Variants in VIT observed in about 807,000 individuals in gnomAD.
VIT encodes vitrin.
Under a neutral mutation model 78.0 loss-of-function variants are expected in VIT, and 99 were observed. That is an observed-to-expected ratio of 1.27 (90% confidence interval 1.08 to 1.50). The LOEUF (loss-of-function observed/expected upper bound fraction) is 1.50, where lower values mean the gene tolerates loss of function less well. Among genes scored for constraint, VIT ranks in the 40% most tolerant of loss-of-function variants. VIT has a pLI of 0.00. For synonymous variants in VIT, 374 were observed against 334.3 expected, an observed-to-expected ratio of 1.12 and a Z score of -1.29; for missense variants, 1,126 against 875.3, an observed-to-expected ratio of 1.29 and a Z score of -3.61.
chr2:36,792,843 C>T (rs1000830119), intron 12 of VIT, among the ~76,000 whole-genome samples: 7 of 152,156 alleles, frequency 4.6e-5, no homozygotes, highest in African/African-American at 1.2e-4. Context: ...CTTTCATTTC[C>T]CTTCTCTAGA....
intron 1 of VIT, among the ~76,000 whole-genome samples, chr2:36,703,466 G>A (rs935243097): frequency 6.6e-6 from 1 of 151,424 alleles, no homozygotes; most frequent in Admixed American, 6.6e-5. Context: ...TAAGACCAAA[G>A]GATCATCTTA....
At chr2:36,749,076 A>G (rs1668305781) in intron 4 of VIT, among the ~76,000 whole-genome samples, 1 of 152,152 alleles carries the variant, frequency 6.6e-6, no homozygotes, top group African/African-American at 2.4e-5. Context: ...AGGACAACTG[A>G]CTTCTCTTTA....
At chr2:36,751,362 C>T (rs1668452066) in intron 4 of VIT, among the ~76,000 whole-genome samples, 1 of 152,236 alleles carries the variant, frequency 6.6e-6, no homozygotes, top group South Asian at 2.1e-4. Context: ...CGCCACTGCA[C>T]TCCAGCCTGG....
intron 3 of VIT, among the ~76,000 whole-genome samples, chr2:36,732,367 G>T (rs1558523381): frequency 6.6e-6 from 1 of 152,162 alleles, no homozygotes; most frequent in East Asian, 1.9e-4. Flanking sequence ...ATCAGTAAAT[G>T]CATGAGGTCT....
In VIT at chr2:36,808,645, G is replaced by A. The variant is rs1474392269; in HGVS notation, c.1563G>A (p.Val521=). 5 of 1,614,108 alleles carry A rather than the reference G, an allele frequency of 3.1e-6. No homozygotes were observed. The highest frequency in any genetic ancestry group is 1.7e-5 in the Admixed American group (1 of 60,010). ...IGFVIDGSSS[V]GTGNFRTVLQ... ...TCGTCATCGACGGCTCCAGCAGTGT[G>A]GGGACGGGCAACTTCCGCACCGTCC... The change falls in exon 15 of 16, where the codon GTG becomes GTA. Residue 521 remains valine, a synonymous_variant. Coordinates refer to ENST00000379242, the MANE Select transcript of VIT (RefSeq NM_053276.4).
chr2:36,800,003 G>A (rs532857769), intron 12 of VIT, among the ~76,000 whole-genome samples: 30 of 149,422 alleles, frequency 2.0e-4, no homozygotes, highest in African/African-American at 6.2e-4. Flanking sequence ...AGCCAAGATC[G>A]AGCCAGTGTA....
At chr2:36,746,400 C>A (rs1668137623) in intron 4 of VIT, among the ~76,000 whole-genome samples, 1 of 151,960 alleles carries the variant, frequency 6.6e-6, no homozygotes, top group Non-Finnish European at 1.5e-5. Flanking sequence ...CTTGGTACTT[C>A]TGGTAGAATT....
At chr2:36,793,951 C>A (rs530605394) in intron 12 of VIT, among the ~76,000 whole-genome samples, 193 of 152,066 alleles carry the variant, frequency 1.3e-3, no homozygotes, top group Non-Finnish European at 2.3e-3. Context: ...ATCTCCGAGC[C>A]CCATGGATTT....
intron 7 of VIT, among the ~76,000 whole-genome samples, chr2:36,771,328 C>A (rs778746130): frequency 5.9e-5 from 9 of 152,056 alleles, no homozygotes; most frequent in Non-Finnish European, 1.2e-4. Flanking sequence ...AGAAGTTCGA[C>A]CAGTCTGGCC....
At chr2:36,748,735 T>C (rs952711364) in intron 4 of VIT, among the ~76,000 whole-genome samples, 7 of 152,268 alleles carry the variant, frequency 4.6e-5, no homozygotes, top group Non-Finnish European at 1.0e-4. Flanking sequence ...CGTCAGGTCC[T>C]GTTCAGGACT....
At chr2:36,715,838 G>T (rs1374432370) in intron 1 of VIT, among the ~76,000 whole-genome samples, 1 of 152,108 alleles carries the variant, frequency 6.6e-6, no homozygotes, top group Non-Finnish European at 1.5e-5. Flanking sequence ...ATGGTTATTT[G>T]TGTCCACTTA....
chr2:36,788,346 A>G (rs945993353), intron 12 of VIT, among the ~76,000 whole-genome samples: 2 of 152,242 alleles, frequency 1.3e-5, no homozygotes, highest in Non-Finnish European at 2.9e-5. Context: ...GATCAATATT[A>G]ATTTTTGAGT....
chr2:36,747,854 T>C (rs1394951721), intron 4 of VIT, among the ~76,000 whole-genome samples: 1 of 152,254 alleles, frequency 6.6e-6, no homozygotes, highest in African/African-American at 2.4e-5. Context: ...GTCTCTGGGC[T>C]ATGAACTTAA....
intron 8 of VIT, chr2:36,774,421 G>T: frequency 1.2e-6 from 1 of 859,740 alleles, no homozygotes. Flanking sequence ...ATCTAGCAGG[G>T]TTTGACGGTT....
intron 2 of VIT, among the ~76,000 whole-genome samples, chr2:36,718,330 G>C (rs2148455268): frequency 1.3e-5 from 2 of 152,256 alleles, no homozygotes; most frequent in South Asian, 2.1e-4. Context: ...GGGAAGGCAA[G>C]GGGGCTCCAG....
At chr2:36,804,869 C>T (rs1246699663) in intron 13 of VIT, among the ~76,000 whole-genome samples, 1 of 151,962 alleles carries the variant, frequency 6.6e-6, no homozygotes, top group Non-Finnish European at 1.5e-5. Context: ...GCTTGCTGTC[C>T]CTAAAACTTT....
intron 4 of VIT, among the ~76,000 whole-genome samples, chr2:36,746,315 C>T (rs1188800636): frequency 1.3e-5 from 2 of 151,970 alleles, no homozygotes; most frequent in Non-Finnish European, 2.9e-5. Context: ...ATGATGTTGG[C>T]TTCTTAAAAT....
At chr2:36,813,470 T>C (rs1413213884) in intron 15 of VIT, among the ~76,000 whole-genome samples, 1 of 152,050 alleles carries the variant, frequency 6.6e-6, no homozygotes, top group Non-Finnish European at 1.5e-5. Context: ...CAAAAACCCA[T>C]TGAGCACTTT....
intron 8 of VIT, among the ~76,000 whole-genome samples, chr2:36,774,335 T>C (rs1669930408): frequency 6.6e-6 from 1 of 152,176 alleles, no homozygotes; most frequent in South Asian, 2.1e-4. Flanking sequence ...TCTGTATGGT[T>C]TGGCCGAAGA....
Sources: gnomAD v4.1 joint callset for allele counts (sites outside exome capture counted in the v4.1 genomes callset) on GRCh38, gnomAD v4.1.1 for gene constraint, MANE v1.5 for transcripts, NCBI Gene and HGNC (gene_info 2026-07-23, HGNC 2026-07-21) for gene names.